Variants in JMY observed in about 807,000 individuals in gnomAD.
JMY encodes junction mediating and regulatory protein, p53 cofactor, also known as junction-mediating and -regulatory protein.
In JMY, 46 loss-of-function variants were observed where a neutral mutation model predicts 103.3. The ratio of observed to expected loss-of-function variants is 0.45; its 90% confidence interval spans 0.35 to 0.57. JMY has a LOEUF of 0.57. JMY is among the 20% of genes least tolerant of loss of function. JMY has a pLI of 0.00. For synonymous variants in JMY, 526 were observed against 489.3 expected, an observed-to-expected ratio of 1.07 and a Z score of -0.99; for missense variants, 1,238 against 1,255.2, an observed-to-expected ratio of 0.99 and a Z score of 0.21.
chr5:79,274,743 A>G (rs1347094508), intron 1 of JMY, among the ~76,000 whole-genome samples: 2 of 151,676 alleles, frequency 1.3e-5, no homozygotes, highest in African/African-American at 2.4e-5. Context: ...TTGTTTTCCT[A>G]TTTCTTTGTT....
At chr5:79,262,117 AC>A (rs1394948117) in intron 1 of JMY, among the ~76,000 whole-genome samples, 2 of 151,836 alleles carry the variant, frequency 1.3e-5, no homozygotes, top group African/African-American at 2.4e-5. Flanking sequence ...CACTTCTGAA[AC>A]CCTTTGTGGT....
intron 2 of JMY, among the ~76,000 whole-genome samples, chr5:79,279,668 T>C (rs181294250): frequency 2.0e-5 from 3 of 152,278 alleles, no homozygotes; most frequent in Non-Finnish European, 4.4e-5. Context: ...AGTAGGACAG[T>C]CACACGACTT....
intron 1 of JMY, among the ~76,000 whole-genome samples, chr5:79,264,400 T>C (rs1308954482): frequency 6.6e-6 from 1 of 151,758 alleles, no homozygotes; most frequent in African/African-American, 2.4e-5. Flanking sequence ...ATTTTTAATT[T>C]TTTTTTTTTG....
intron 1 of JMY, among the ~76,000 whole-genome samples, chr5:79,256,404 G>T (rs1389195748): frequency 3.9e-5 from 6 of 152,022 alleles, no homozygotes; most frequent in Non-Finnish European, 8.8e-5. Flanking sequence ...GGGACCCCAT[G>T]AGCCCACTTG....
chr5:79,282,999 A>T (rs34074234), intron 2 of JMY, among the ~76,000 whole-genome samples: 11,370 of 148,948 alleles, frequency 0.076, 847 homozygotes, highest in African/African-American at 0.17. Flanking sequence ...TAATAATAAT[A>T]ATTATTATTA....
intron 2 of JMY, among the ~76,000 whole-genome samples, chr5:79,280,535 G>T (rs1746074906): frequency 6.6e-6 from 1 of 152,070 alleles, no homozygotes; most frequent in South Asian, 2.1e-4. Context: ...AAGACATTGA[G>T]AAAATGCCCC....
At chr5:79,268,581 G>A (rs748295214) in intron 1 of JMY, among the ~76,000 whole-genome samples, 4 of 151,964 alleles carry the variant, frequency 2.6e-5, no homozygotes, top group Admixed American at 2.6e-4. Context: ...TCCACCTCCC[G>A]GGTTCAAGCG....
intron 1 of JMY, among the ~76,000 whole-genome samples, chr5:79,266,658 T>A (rs754462807): frequency 1.5e-4 from 23 of 152,250 alleles, no homozygotes; most frequent in Non-Finnish European, 2.2e-4. Flanking sequence ...TTTCCTACTA[T>A]ACTGTTGAAT....
intron 1 of JMY, among the ~76,000 whole-genome samples, chr5:79,255,678 G>A (rs1449846369): frequency 1.3e-5 from 2 of 152,236 alleles, no homozygotes. Context: ...GGTTGTTGCA[G>A]ACTCATAAAG....
intron 1 of JMY, among the ~76,000 whole-genome samples, chr5:79,251,450 A>G (rs1745081189): frequency 6.6e-6 from 1 of 152,062 alleles, no homozygotes; most frequent in Admixed American, 6.6e-5. Context: ...TTTATGGAAT[A>G]CATAAGATGT....
intron 2 of JMY, chr5:79,284,379 T>A (rs1251494839): frequency 5.3e-6 from 7 of 1,316,496 alleles, no homozygotes; most frequent in Non-Finnish European, 7.6e-6. Flanking sequence ...ACCACTTCTT[T>A]CAAGGCATTT....
At chr5:79,263,146 C>T (rs756108158) in intron 1 of JMY, among the ~76,000 whole-genome samples, 12 of 152,058 alleles carry the variant, frequency 7.9e-5, no homozygotes, top group Admixed American at 1.3e-4. Flanking sequence ...TTTTGCTATT[C>T]CTGAAACCTG....
rs1266689559 is a variant in JMY, at chr5:79,322,212, A to T, written c.*610A>T. 2 of 152,244 alleles carry T rather than the reference A, an allele frequency of 1.3e-5. No individual in the cohort carries two copies. The highest frequency in any genetic ancestry group is 2.9e-5 in the Non-Finnish European group (2 of 68,046). 9.4% of individuals were successfully genotyped at this position (152,244 alleles called of 1,614,324 possible). A position where few individuals can be genotyped will look rare whatever the true frequency, so the allele number is the denominator to read the frequency against. On this transcript the variant is annotated 3_prime_UTR_variant, in exon 11 of 11. Coordinates refer to ENST00000396137, the MANE Select transcript of JMY (RefSeq NM_152405.5). ...TGAAAAGCTGCATTTATGGAGATACATCTATTAATATGTTCACAACATGAT... is the reference window on the plus strand; with the variant it reads ...TGAAAAGCTGCATTTATGGAGATACTTCTATTAATATGTTCACAACATGAT...
At chr5:79,300,578 C>A in intron 5 of JMY, 98 bp from the exon 6 acceptor site, 1 of 944,456 alleles carries the variant, frequency 1.1e-6, no homozygotes, top group Non-Finnish European at 1.5e-6. Flanking sequence ...AATGGCTTTG[C>A]CTGAGGTTGC....
At chr5:79,317,251 C>G (rs1187279368) in intron 10 of JMY, among the ~76,000 whole-genome samples, 1 of 152,060 alleles carries the variant, frequency 6.6e-6, no homozygotes, top group Non-Finnish European at 1.5e-5. Context: ...GTCACAGTTA[C>G]TGTATTATCT....
intron 2 of JMY, chr5:79,284,023 TAATC>T (rs1746195967): frequency 4.4e-6 from 3 of 683,508 alleles, no homozygotes; most frequent in African/African-American, 1.9e-5. Flanking sequence ...GTAAAGATAT[TAATC>T]CAACAGCAAG....
At chr5:79,275,367 T>C (rs137974590) in intron 1 of JMY, among the ~76,000 whole-genome samples, 5,750 of 152,194 alleles carry the variant, frequency 0.038, 184 homozygotes, top group Admixed American at 0.098. Flanking sequence ...TTCACCATGT[T>C]AGCCAGGATG....
At chr5:79,286,754 C>T (rs950037573) in intron 2 of JMY, among the ~76,000 whole-genome samples, 4 of 152,042 alleles carry the variant, frequency 2.6e-5, no homozygotes, top group African/African-American at 9.7e-5. Context: ...GAATTCTGAA[C>T]ACTATTAAAT....
intron 1 of JMY, among the ~76,000 whole-genome samples, chr5:79,246,720 A>G (rs947834347): frequency 1.3e-5 from 2 of 152,156 alleles, no homozygotes; most frequent in Non-Finnish European, 2.9e-5. Context: ...GTCTCTACTA[A>G]AAATGCGAAA....
Sources: gnomAD v4.1 joint callset for allele counts (sites outside exome capture counted in the v4.1 genomes callset) on GRCh38, gnomAD v4.1.1 for gene constraint, MANE v1.5 for transcripts, NCBI Gene and HGNC (gene_info 2026-07-23, HGNC 2026-07-21) for gene names.